Variants in FRMD3 observed in about 807,000 individuals in gnomAD.
FRMD3 encodes FERM domain-containing protein 3.
Under a neutral mutation model 70.2 loss-of-function variants are expected in FRMD3, and 33 were observed. The ratio of observed to expected loss-of-function variants is 0.47; its 90% CI spans 0.36 to 0.63. FRMD3 has a LOEUF of 0.63. Ranked by LOEUF, FRMD3 falls within the 20% of genes least tolerant of loss-of-function variation. The probability of loss-of-function intolerance (pLI) is 0.00; values close to 1 mark genes in which losing one functional copy is unlikely to be tolerated. For missense variants in FRMD3, 632 were observed against 711.4 expected, an observed-to-expected ratio of 0.89 and a Z score of 1.27; for synonymous variants, 279 against 255.9, an observed-to-expected ratio of 1.09 and a Z score of -0.86.
At chr9:83,467,883 T>A in intron 1 of FRMD3, 1 of 1,081,638 alleles carries the variant, frequency 9.2e-7, no homozygotes. Flanking sequence ...GAGATGCTTT[T>A]AATTGTTCAA....
At chr9:83,251,722 T>A (rs1032879734) in intron 13 of FRMD3, among the ~76,000 whole-genome samples, 2 of 152,068 alleles carry the variant, frequency 1.3e-5, no homozygotes, top group Non-Finnish European at 2.9e-5. Context: ...CACAATGAAA[T>A]CACAAGTATC....
At chr9:83,542,240 G>A (rs1169356027), upstream of FRMD3, among the ~76,000 whole-genome samples, 1 of 152,138 alleles carries the variant, frequency 6.6e-6, no homozygotes, top group Admixed American at 6.5e-5. Context: ...CTAACCAATG[G>A]GTTATAACAC....
chr9:83,572,410 A>G, the FRMD3 span, among the ~76,000 whole-genome samples: 1 of 152,194 alleles, frequency 6.6e-6, no homozygotes, highest in Non-Finnish European at 1.5e-5. Flanking sequence ...AAAGTAGAGT[A>G]TATCAGAACA....
intron 1 of FRMD3, among the ~76,000 whole-genome samples, chr9:83,483,562 T>C (rs1300578493): frequency 1.3e-5 from 2 of 152,164 alleles, no homozygotes; most frequent in African/African-American, 4.8e-5. Context: ...TAAAACCTTA[T>C]CTGATACAAA....
intron 12 of FRMD3, among the ~76,000 whole-genome samples, chr9:83,296,479 A>G (rs1834666510): frequency 6.6e-6 from 1 of 152,226 alleles, no homozygotes; most frequent in African/African-American, 2.4e-5. Context: ...ACCAAGATAG[A>G]CACGGTCCTT....
At chr9:83,386,237 G>A (rs1825507597) in intron 2 of FRMD3, among the ~76,000 whole-genome samples, 1 of 152,190 alleles carries the variant, frequency 6.6e-6, no homozygotes, top group Admixed American at 6.5e-5. Flanking sequence ...AGTCCTTGCA[G>A]TTGTGCACAG....
intron 6 of FRMD3, among the ~76,000 whole-genome samples, chr9:83,315,242 A>G (rs1388440124): frequency 6.6e-6 from 1 of 152,036 alleles, no homozygotes; most frequent in East Asian, 1.9e-4. Context: ...GTCATTTTGT[A>G]TGCTGACTCA....
chr9:83,432,415 G>A (rs1294104644), intron 1 of FRMD3, among the ~76,000 whole-genome samples: 3 of 152,272 alleles, frequency 2.0e-5, no homozygotes, highest in South Asian at 2.1e-4. Context: ...GGGTGGCCCG[G>A]GAGGAATGTG....
At chr9:83,552,404 T>C in the FRMD3 span, among the ~76,000 whole-genome samples, 1 of 152,194 alleles carries the variant, frequency 6.6e-6, no homozygotes, top group Non-Finnish European at 1.5e-5. Context: ...ATGTGGTCAA[T>C]TTAAGAGTAT....
chr9:83,431,521 T>A (rs1248625910), intron 1 of FRMD3, among the ~76,000 whole-genome samples: 1 of 150,470 alleles, frequency 6.6e-6, no homozygotes, highest in Non-Finnish European at 1.5e-5. Flanking sequence ...TTCTAACTTT[T>A]TACTTTGTAT....
At chr9:83,313,004 A>C (rs1414324039) in intron 7 of FRMD3, among the ~76,000 whole-genome samples, 1 of 152,254 alleles carries the variant, frequency 6.6e-6, no homozygotes, top group Admixed American at 6.5e-5. Context: ...TAGGATTAGG[A>C]CTAGTGTCTG....
At chr9:83,559,215 C>G in the FRMD3 span, among the ~76,000 whole-genome samples, 1 of 152,160 alleles carries the variant, frequency 6.6e-6, no homozygotes, top group Admixed American at 6.5e-5. Flanking sequence ...TCCATTGATG[C>G]GGCAAACTTT....
At chr9:83,396,054 C>A (rs754510111) in intron 1 of FRMD3, among the ~76,000 whole-genome samples, 2 of 152,154 alleles carry the variant, frequency 1.3e-5, no homozygotes, top group Non-Finnish European at 2.9e-5. Flanking sequence ...AGTTAATATT[C>A]TCCTCATGTT....
chr9:83,483,005 T>C (rs1436508212), intron 1 of FRMD3, among the ~76,000 whole-genome samples: 2 of 152,154 alleles, frequency 1.3e-5, no homozygotes, highest in Admixed American at 6.5e-5. Flanking sequence ...GGCAGCACTT[T>C]GGGTAATCTG....
At position 83,537,805 on chromosome 9, in the gene FRMD3, C is replaced by T. The variant is rs957952418; in HGVS notation, c.147+280G>A. 6.6e-6 allele frequency among the ~76,000 whole-genome samples: 1 copy of T among 152,176 alleles called. No individual in the cohort carries two copies. The highest frequency in any genetic ancestry group is 6.5e-5 in the Admixed American group (1 of 15,292). On this transcript the variant is annotated intron_variant, in intron 1 of 13. Coordinates refer to ENST00000304195, the MANE Select transcript of FRMD3 (RefSeq NM_174938.6). This position sits in a 1 kb window ranked among gnomAD's most constrained non-coding sequence, Gnocchi z 4.1. ...AGTCCCTCCGGAGGCAGCTGCCCCGCGCCCCTAGCCCGGGCGCAGTGAGAC... is the reference window on the plus strand; with the variant it reads ...AGTCCCTCCGGAGGCAGCTGCCCCGTGCCCCTAGCCCGGGCGCAGTGAGAC...
chr9:83,389,546 G>A, intron 2 of FRMD3, 58 bp downstream of exon 2: 1 of 1,113,944 alleles, frequency 9.0e-7, no homozygotes, highest in Non-Finnish European at 1.4e-6. Flanking sequence ...AACCCCCACA[G>A]TGCACCACAG....
intron 13 of FRMD3, among the ~76,000 whole-genome samples, chr9:83,267,756 GTT>G (rs1563983791): frequency 6.6e-6 from 1 of 152,164 alleles, no homozygotes; most frequent in Admixed American, 6.6e-5. Flanking sequence ...TTAATAAAGA[GTT>G]TGCATTCTTT....
intron 13 of FRMD3, among the ~76,000 whole-genome samples, chr9:83,268,755 T>C (rs984189111): frequency 6.6e-6 from 1 of 152,208 alleles, no homozygotes; most frequent in Admixed American, 6.5e-5. Flanking sequence ...GGCAGGCCAT[T>C]TCCAGGGACC....
chr9:83,363,341 T>A (rs1162447524), intron 3 of FRMD3, among the ~76,000 whole-genome samples: 1 of 152,190 alleles, frequency 6.6e-6, no homozygotes, highest in African/African-American at 2.4e-5. Context: ...TATAAGTCTT[T>A]CCATGTCAAT....
Sources: gnomAD v4.1 joint callset for allele counts (sites outside exome capture counted in the v4.1 genomes callset) on GRCh38, gnomAD v4.1.1 for gene constraint, Gnocchi (gnomAD v3.1) non-coding constraint, MANE v1.5 for transcripts, NCBI Gene and HGNC (gene_info 2026-07-23, HGNC 2026-07-21) for gene names.